C12orf42: variants seen among roughly 807,000 people sequenced by gnomAD.
The protein encoded by C12orf42 is uncharacterized protein C12orf42.
C12orf42 carries 25 observed loss-of-function variants against 21.6 expected under a neutral mutation model. The observed-to-expected ratio is 1.16, with a 90% CI of 0.84 to 1.62. The LOEUF (loss-of-function observed/expected upper bound fraction) is 1.62, where lower values mean the gene tolerates loss of function less well. Among genes scored for constraint, C12orf42 ranks in the 40% most tolerant of loss-of-function variants. C12orf42 has a pLI of 0.00. For synonymous variants in C12orf42, 174 were observed against 175.0 expected (o/e 0.99, Z 0.05); for missense variants, 483 against 459.3 (o/e 1.05, Z -0.47).
chr12:103,447,095 T>C (rs927655511), intron 2 of C12orf42, among the ~76,000 whole-genome samples: 3 of 151,988 alleles, frequency 2.0e-5, no homozygotes, highest in Non-Finnish European at 4.4e-5. Context: ...TTCTCCAAGA[T>C]AGACCATGTG....
chr12:103,536,962 G>A, the C12orf42 span, among the ~76,000 whole-genome samples: 4 of 151,764 alleles, frequency 2.6e-5, no homozygotes, highest in Non-Finnish European at 5.9e-5. Context: ...GCGATTGTCT[G>A]TCTCTTTCTG....
the C12orf42 span, among the ~76,000 whole-genome samples, chr12:103,131,677 G>A: frequency 6.6e-6 from 1 of 152,138 alleles, no homozygotes; most frequent in Non-Finnish European, 1.5e-5. Flanking sequence ...TTTTCCTCAG[G>A]GAGTTGGAAA....
At chr12:103,277,475 A>G (rs1399352382) in intron 4 of C12orf42, among the ~76,000 whole-genome samples, 1 of 152,138 alleles carries the variant, frequency 6.6e-6, no homozygotes, top group Non-Finnish European at 1.5e-5. Context: ...TAATTTCTTA[A>G]TGTAAATATG....
chr12:103,295,710 T>C (rs146523193), intron 4 of C12orf42, among the ~76,000 whole-genome samples: 113 of 152,296 alleles, frequency 7.4e-4, no homozygotes, highest in African/African-American at 2.6e-3. Flanking sequence ...TAAATAATGA[T>C]AATATACGTA....
At chr12:103,142,380 A>G in the C12orf42 span, among the ~76,000 whole-genome samples, 2 of 152,224 alleles carry the variant, frequency 1.3e-5, no homozygotes, top group African/African-American at 4.8e-5. Context: ...TAAAAACAGA[A>G]CAGAACAAAG....
intron 2 of C12orf42, among the ~76,000 whole-genome samples, chr12:103,440,138 C>G (rs1409548941): frequency 1.4e-5 from 2 of 144,168 alleles, no homozygotes; most frequent in Non-Finnish European, 3.0e-5. Flanking sequence ...AATCATCATT[C>G]TCAGTAAACT....
chr12:103,088,592 C>T, the C12orf42 span, among the ~76,000 whole-genome samples: 1 of 152,210 alleles, frequency 6.6e-6, no homozygotes, highest in Non-Finnish European at 1.5e-5. Flanking sequence ...GGGTTTTCTC[C>T]TCCTGGGATT....
At chr12:103,146,853 T>C in the C12orf42 span, among the ~76,000 whole-genome samples, 5 of 152,122 alleles carry the variant, frequency 3.3e-5, no homozygotes, top group East Asian at 7.7e-4. Flanking sequence ...CACTGGGTAA[T>C]GGGAAATGGG....
chr12:103,291,589 G>C (rs1253373485), intron 4 of C12orf42, among the ~76,000 whole-genome samples: 1 of 152,062 alleles, frequency 6.6e-6, no homozygotes, highest in East Asian at 1.9e-4. Context: ...TGCTAAATAA[G>C]GGGTGAATTA....
At chr12:103,284,680 G>A (rs527890321) in intron 4 of C12orf42, among the ~76,000 whole-genome samples, 6 of 152,118 alleles carry the variant, frequency 3.9e-5, no homozygotes, top group Non-Finnish European at 8.8e-5. Flanking sequence ...TTACATATTT[G>A]TTGAATGAAT....
intron 4 of C12orf42, among the ~76,000 whole-genome samples, chr12:103,353,719 T>C (rs2043290492): frequency 6.6e-6 from 1 of 152,116 alleles, no homozygotes; most frequent in East Asian, 1.9e-4. Context: ...CCATGAAAAG[T>C]GGTTTTCACC....
At chr12:103,381,693 G>A (rs755720535) in intron 3 of C12orf42, among the ~76,000 whole-genome samples, 3 of 152,088 alleles carry the variant, frequency 2.0e-5, no homozygotes, top group Non-Finnish European at 2.9e-5. Flanking sequence ...CGAGGCAGGC[G>A]GATCATGAGG....
the C12orf42 span, among the ~76,000 whole-genome samples, chr12:103,556,341 T>C: frequency 6.6e-6 from 1 of 152,218 alleles, no homozygotes; most frequent in Non-Finnish European, 1.5e-5. Flanking sequence ...CATGAACTTC[T>C]CATGGTACAT....
the C12orf42 span, among the ~76,000 whole-genome samples, chr12:103,535,941 A>G: frequency 6.6e-6 from 1 of 152,080 alleles, no homozygotes; most frequent in Non-Finnish European, 1.5e-5. Context: ...ACCACCTCCA[A>G]CAAATTACTT....
At chr12:103,329,978 C>T (rs934312955) in intron 4 of C12orf42, among the ~76,000 whole-genome samples, 4 of 152,048 alleles carry the variant, frequency 2.6e-5, no homozygotes, top group African/African-American at 7.2e-5. Context: ...CATCATTAGA[C>T]ATTTCCCATG....
At chr12:103,108,441 C>A in the C12orf42 span, among the ~76,000 whole-genome samples, 1 of 151,870 alleles carries the variant, frequency 6.6e-6, no homozygotes, top group Non-Finnish European at 1.5e-5. Context: ...GAACCCATCT[C>A]CTATGTGTGT....
At chr12:103,363,116 T>C (rs1245770718) in intron 4 of C12orf42, among the ~76,000 whole-genome samples, 1 of 152,040 alleles carries the variant, frequency 6.6e-6, no homozygotes, top group Non-Finnish European at 1.5e-5. Context: ...AGGTACCCTA[T>C]GAAGGAAAAC....
chr12:103,446,703 G>T (rs975685151), intron 2 of C12orf42, among the ~76,000 whole-genome samples: 1 of 151,956 alleles, frequency 6.6e-6, no homozygotes, highest in Non-Finnish European at 1.5e-5. Context: ...GTGAGCAGAA[G>T]TGGTTATTCT....
rs2038288543 is a variant in C12orf42 at position 103,306,112 on chromosome 12, A to C, written c.493T>G (p.Ser165Ala). 3 of 1,613,822 alleles carry C rather than the reference A, an allele frequency of 1.9e-6. No homozygotes were observed. In the African/African-American group the frequency reaches 4.0e-5, roughly 22 times the overall value. The change falls in exon 5 of 6, where the codon TCA (serine) becomes GCA (alanine). Residue 165 changes from serine to alanine, a missense_variant. By Grantham distance (99) the Ser-to-Ala change is moderately conservative. Transcript: ENST00000548883. ...RGAPKQAWNS[S>A]FLEQLVKKPN... ...TTTTTAACCAGTTGTTCCAAAAATG[A>C]ACTGTTCCAAGCCTGCTTGGGTGCT...
Sources: allele counts gnomAD v4.1 joint callset (sites outside exome capture counted in the v4.1 genomes callset), GRCh38; gene constraint gnomAD v4.1.1; transcripts MANE v1.5; gene names NCBI Gene and HGNC (gene_info 2026-07-23, HGNC 2026-07-21).